Variants in RIOK3 observed in about 807,000 individuals in gnomAD.
RIOK3 encodes the protein RIO kinase 3, also known as serine/threonine-protein kinase RIO3.
RIOK3 carries 40 observed loss-of-function variants against 63.5 expected under a neutral mutation model. That is an observed-to-expected ratio of 0.63 (90% CI 0.49 to 0.82). The LOEUF (loss-of-function observed/expected upper bound fraction) is 0.82. Among genes scored for constraint, RIOK3 ranks in the 40% least tolerant of loss-of-function variants. RIOK3 has a pLI of 0.00. For missense variants in RIOK3, 557 were observed against 637.0 expected, an observed-to-expected ratio of 0.87 and a Z score of 1.35; for synonymous variants, 193 against 205.0, an observed-to-expected ratio of 0.94 and a Z score of 0.50.
chr18:23,469,340 C>T (rs867815804), intron 7 of RIOK3, among the ~76,000 whole-genome samples: 2,065 of 8,446 alleles, frequency 0.24, 106 homozygotes, highest in Non-Finnish European at 0.28. Context: ...TCTCTCTCCC[C>T]CTCTCTCCCC....
At chr18:23,468,893 G>T (rs1051860825) in intron 7 of RIOK3, among the ~76,000 whole-genome samples, 7 of 152,166 alleles carry the variant, frequency 4.6e-5, no homozygotes, top group Admixed American at 6.5e-5. Context: ...CTGCAGTCTA[G>T]GTGTTGGCCA....
intron 7 of RIOK3, 100 bp downstream of exon 7, chr18:23,467,626 C>A: frequency 1.7e-6 from 2 of 1,179,936 alleles, no homozygotes; most frequent in African/African-American, 1.5e-5. Flanking sequence ...GCATGGCAAG[C>A]AGAGTAATTT....
At position 23,473,627 on chromosome 18, in the gene RIOK3, G is replaced by C; in HGVS notation, c.1013+1G>C. 6.2e-7 allele frequency: 1 copy of C among 1,608,362 alleles called. No individual in the cohort carries two copies. Among genetic ancestry groups the C allele is most frequent in the Non-Finnish European group, 8.5e-7 (1 of 1,176,050 alleles). On this transcript the variant is annotated splice_donor_variant, in intron 8 of 12. Transcript: ENST00000339486. LOFTEE classifies it high-confidence loss of function. ...AAAAAGAAATGCACAATCTCGCAAG[G>C]TAAAGAAAATATTGTGCTAGACGTA... is the stretch of plus-strand genomic sequence containing the variant.
In RIOK3 at chr18:23,467,448, A is replaced by G. The variant is rs144520683; in HGVS notation, c.737A>G (p.Asn246Ser). ...KTRLLMYKMV[N>S]SGMLETITGC... ...CGTTTACTTATGTATAAAATGGTCA[A>G]CTCTGGAATGTTGGAGACAATCACT... is the stretch of plus-strand genomic sequence containing the variant. The change falls in exon 7 of 13, where the codon AAC (asparagine) becomes AGC (serine). Residue 246 changes from asparagine to serine, a missense_variant. Physicochemically the swap from Asn to Ser is conservative, Grantham distance 46. Transcript: ENST00000339486. 6.2e-7 allele frequency: 1 copy of G among 1,613,510 alleles called. No homozygotes were observed. Among genetic ancestry groups the G allele is most frequent in the South Asian group, 1.1e-5 (1 of 91,050 alleles).
At chr18:23,479,266 AAG>A (rs1310326358) in intron 11 of RIOK3, 49 bp from the exon 12 acceptor site, 1 of 1,188,144 alleles carries the variant, frequency 8.4e-7, no homozygotes. Flanking sequence ...TTTAGTTTAT[AAG>A]AGAACATTGC....
chr18:23,478,305 A>G lies in RIOK3; in HGVS notation c.1345-1012A>G, dbSNP rs541762368. ...ATTAGGTGGCTGGGCATGGTGATTC[A>G]CGCTTACAATCTCACACTTTGGGAA... On this transcript the variant is annotated intron_variant, in intron 11 of 12. Transcript: ENST00000339486. Among the ~76,000 whole-genome samples the G allele has an allele frequency of 2.6e-4, 40 of 152,018 alleles. No homozygotes were observed. The East Asian group carries it at 7.2e-3, about 27-fold the overall frequency.
At chr18:23,470,900 G>A (rs1186885659) in intron 7 of RIOK3, among the ~76,000 whole-genome samples, 3 of 152,172 alleles carry the variant, frequency 2.0e-5, no homozygotes, top group Non-Finnish European at 4.4e-5. Flanking sequence ...CTACTATGTG[G>A]TTAAACTAGT....
chr18:23,475,302 C>G (rs1484865831), intron 9 of RIOK3, among the ~76,000 whole-genome samples, 195 bp downstream of exon 9: 1 of 151,632 alleles, frequency 6.6e-6, no homozygotes, highest in Non-Finnish European at 1.5e-5. Context: ...AACCCTGTCT[C>G]TACTAAAAAT....
chr18:23,464,189 T>A lies in RIOK3; in HGVS notation c.326-17T>A. ...ATGTGCTCCTAAGTAAATCTTCAAC[T>A]ATTTTTGCTTCTTAAGTTTCCATTT... On this transcript the variant is annotated splice_polypyrimidine_tract_variant and intron_variant, in intron 3 of 12. Transcript: ENST00000339486. 6.2e-7 allele frequency: 1 copy of A among 1,610,712 alleles called. No individual in the cohort carries two copies. Among genetic ancestry groups the A allele is most frequent in the East Asian group, 2.2e-5 (1 of 44,836 alleles).
chr18:23,464,115 A>G lies in RIOK3; in HGVS notation c.325+3A>G. On this transcript the variant is annotated splice_donor_region_variant and intron_variant, in intron 3 of 12. Transcript: ENST00000339486. Reference sequence around the variant, plus strand: ...AAAATTCAATGGAGATAGCAAAGGTATTATAACCTTATTGTGACAACTTCA... The same window carrying G: ...AAAATTCAATGGAGATAGCAAAGGTGTTATAACCTTATTGTGACAACTTCA... 4 of 1,610,200 alleles carry G rather than the reference A, an allele frequency of 2.5e-6. No individual in the cohort carries two copies. The highest frequency in any genetic ancestry group is 3.4e-6 in the Non-Finnish European group (4 of 1,178,144).
At chr18:23,453,579 T>G (rs2057318099) in intron 1 of RIOK3, 77 bp downstream of exon 1, 1 of 1,279,476 alleles carries the variant, frequency 7.8e-7, no homozygotes, top group South Asian at 1.2e-5. Context: ...AGAGGGCGGC[T>G]TCGTGGGCGA....
At chr18:23,463,822 C>A in intron 2 of RIOK3, 145 bp from the exon 3 acceptor site, 1 of 659,482 alleles carries the variant, frequency 1.5e-6, no homozygotes, top group Non-Finnish European at 2.6e-6. Context: ...TTAAGGCTAG[C>A]TGTGCAGGAG....
At chr18:23,463,900 C>G in intron 2 of RIOK3, 67 bp from the exon 3 acceptor site, 1 of 1,378,656 alleles carries the variant, frequency 7.3e-7, no homozygotes, top group Non-Finnish European at 9.9e-7. Flanking sequence ...ACCTCCTACT[C>G]TCATAATTGG....
intron 12 of RIOK3, among the ~76,000 whole-genome samples, chr18:23,480,368 A>G (rs1349101974): frequency 6.6e-6 from 1 of 152,204 alleles, no homozygotes; most frequent in Non-Finnish European, 1.5e-5. Flanking sequence ...CTCAGTAAGT[A>G]AGTGATACTG....
Position 23,475,118 on chromosome 18 carries a change from C to CT in RIOK3, c.1173+15dup. On this transcript the variant is annotated intron_variant, in intron 9 of 12. Transcript: ENST00000339486. Reference sequence around the variant, plus strand: ...TATCAAACTCTTCATGTAAGTTGTGCTTTTAAAAGAATTCACACACTACCT... The same window carrying CT: ...TATCAAACTCTTCATGTAAGTTGTGCTTTTTAAAAGAATTCACACACTACCT... 6.3e-7 allele frequency: 1 copy of CT among 1,593,518 alleles called. No individual in the cohort carries two copies. Among genetic ancestry groups the CT allele is most frequent in the Non-Finnish European group, 8.6e-7 (1 of 1,169,326 alleles).
chr18:23,464,234 A>G lies in RIOK3; in HGVS notation c.354A>G (p.Lys118=). The change falls in exon 4 of 13, where the codon AAA becomes AAG. Residue 118 remains lysine (K), a synonymous_variant. Transcript: ENST00000339486. ...KVSISFENYR[K]VHPYEDSDSS... is the part of the protein sequence containing the mutation. ...CCATTTCCTTTGAAAATTATCGAAA[A>G]GTGCATCCTTATGAAGACAGCGATA... is the stretch of plus-strand genomic sequence containing the variant. 1 of 1,613,736 alleles carries G rather than the reference A, an allele frequency of 6.2e-7. No individual in the cohort carries two copies. Among genetic ancestry groups the G allele is most frequent in the Non-Finnish European group, 8.5e-7 (1 of 1,179,904 alleles).
In RIOK3 at chr18:23,464,263, C is replaced by G. The variant is rs761905748; in HGVS notation, c.383C>G (p.Ser128Cys). The G allele has an allele frequency of 5.6e-6, 9 of 1,614,132 alleles. No individual in the cohort carries two copies. The highest frequency in any genetic ancestry group is 6.8e-6 in the Non-Finnish European group (8 of 1,180,004). Residue 128 changes from serine (S) to cysteine (C), a missense_variant, in exon 4 of 13, where the codon TCT (serine) becomes TGT (cysteine). By Grantham distance (112) the Ser-to-Cys change is moderately radical. Coordinates refer to ENST00000339486, the MANE Select transcript of RIOK3 (RefSeq NM_003831.5). ...KVHPYEDSDS[S>C]EDEVDWQDTR... ...CATCCTTATGAAGACAGCGATAGCT[C>G]TGAAGATGAGGTTGACTGGCAGGAT...
In RIOK3 at chr18:23,481,718, A is replaced by C. The variant is rs2057536146; in HGVS notation, c.*439A>C. The C allele has an allele frequency of 6.5e-6, 1 of 153,058 alleles. No homozygotes were observed. The highest frequency in any genetic ancestry group is 2.4e-5 in the African/African-American group (1 of 41,482). The allele number at this position is 153,058 out of a possible 1,614,324, so 9.5% of individuals were successfully genotyped here. A position where few individuals can be genotyped will look rare whatever the true frequency, so the allele number is the denominator to read the frequency against. ...TTCCTTGAATATTTTATTGGCCCAG[A>C]GTTAGCCTTTCTCAATTATGTTTCC... is the stretch of plus-strand genomic sequence containing the variant. On this transcript the variant is annotated 3_prime_UTR_variant, in exon 13 of 13. Transcript: ENST00000339486.
chr18:23,458,752 A>C (rs2057356318), intron 1 of RIOK3, among the ~76,000 whole-genome samples: 1 of 152,232 alleles, frequency 6.6e-6, no homozygotes, highest in Non-Finnish European at 1.5e-5. Context: ...AGCCTGCAGT[A>C]AATTTTCTGA....
Sources: allele counts gnomAD v4.1 joint callset (sites outside exome capture counted in the v4.1 genomes callset), GRCh38; gene constraint gnomAD v4.1.1; transcripts MANE v1.5; gene names NCBI Gene and HGNC (gene_info 2026-07-23, HGNC 2026-07-21).